Variants in PPFIBP2 observed in about 807,000 individuals in gnomAD.
PPFIBP2 encodes PPFIB scaffold protein 2, also known as liprin-beta-2.
A neutral mutation model predicts 118.3 loss-of-function variants in PPFIBP2; 118 were observed. The observed-to-expected ratio is 1.00, with a 90% confidence interval of 0.86 to 1.16. The LOEUF is 1.16. Ranked by LOEUF, PPFIBP2 falls within the 50% of genes most tolerant of loss-of-function variation. The pLI, the probability that PPFIBP2 is intolerant of heterozygous loss-of-function variation, is 0.00. For missense variants in PPFIBP2, 1,195 were observed against 1,073.1 expected, an observed-to-expected ratio of 1.11 and a Z score of -1.59; for synonymous variants, 414 against 397.4, an observed-to-expected ratio of 1.04 and a Z score of -0.50.
chr11:7,659,205 A>G (rs1854837179), downstream of PPFIBP2, among the ~76,000 whole-genome samples: 1 of 149,278 alleles, frequency 6.7e-6, no homozygotes, highest in South Asian at 2.1e-4. Flanking sequence ...TGTTTTAGAC[A>G]TGAAGTCCTT....
chr11:7,631,928 A>G (rs1476422715), intron 11 of PPFIBP2, among the ~76,000 whole-genome samples: 2 of 152,218 alleles, frequency 1.3e-5, no homozygotes, highest in African/African-American at 4.8e-5. Flanking sequence ...AAACTATACT[A>G]TAATGCCAGC....
At chr11:7,652,811 G>A (rs190918896) in intron 23 of PPFIBP2, among the ~76,000 whole-genome samples, 1 of 152,162 alleles carries the variant, frequency 6.6e-6, no homozygotes, top group African/African-American at 2.4e-5. Context: ...GTATTGGAGG[G>A]GCAGCTCTTA....
intron 2 of PPFIBP2, 47 bp from the exon 3 acceptor site, chr11:7,565,506 A>T: frequency 1.9e-6 from 3 of 1,595,658 alleles, no homozygotes; most frequent in Non-Finnish European, 2.6e-6. Context: ...TACCTTGCTC[A>T]GGGTGTCCAC....
At chr11:7,603,650 G>GCAAATTCTTTTTTT (rs1427355186) in intron 5 of PPFIBP2, among the ~76,000 whole-genome samples, 5 of 152,112 alleles carry the variant, frequency 3.3e-5, no homozygotes, top group African/African-American at 1.2e-4. Context: ...AGGTTGAAAG[G>GCAAATTCTTTTTTT]CAAATTCTTT....
At chr11:7,663,219 G>T in the PPFIBP2 span, among the ~76,000 whole-genome samples, 1 of 133,004 alleles carries the variant, frequency 7.5e-6, no homozygotes, top group African/African-American at 2.5e-5. Context: ...AGGAGGAGAG[G>T]CGCTCTGCTT....
chr11:7,541,085 G>A (rs967461646), intron 1 of PPFIBP2, among the ~76,000 whole-genome samples: 1 of 152,212 alleles, frequency 6.6e-6, no homozygotes, highest in Non-Finnish European at 1.5e-5. Flanking sequence ...GGCTGTCTAA[G>A]CAAAAGGGTG....
At chr11:7,526,550 G>C (rs990180726) in intron 1 of PPFIBP2, among the ~76,000 whole-genome samples, 5 of 152,150 alleles carry the variant, frequency 3.3e-5, no homozygotes, top group African/African-American at 1.2e-4. Flanking sequence ...AGTGAGGGTG[G>C]GAGGCTGGGG....
chr11:7,641,546 T>C lies in PPFIBP2; in HGVS notation c.1443T>C (p.Thr481=), dbSNP rs980849232. The part of the protein sequence containing the change: ...VNDLSSTSSG[T]ESGPQSPLTP... Reference sequence around the variant, plus strand: ...ACCTCTCATCCACATCATCGGGCACTGAATCAGGTCCTCAGTCTCCTCTGA... The same window carrying C: ...ACCTCTCATCCACATCATCGGGCACCGAATCAGGTCCTCAGTCTCCTCTGA... The change falls in exon 16 of 24, where the codon ACT becomes ACC. Residue 481 remains threonine, a synonymous_variant. Coordinates refer to ENST00000299492, the MANE Select transcript of PPFIBP2 (RefSeq NM_003621.5). 4.3e-6 allele frequency: 7 copies of C among 1,613,836 alleles called. No homozygotes were observed. In the East Asian group the frequency reaches 6.7e-5, roughly 15 times the overall value.
At chr11:7,578,063 G>A (rs1462667042) in intron 3 of PPFIBP2, among the ~76,000 whole-genome samples, 2 of 152,238 alleles carry the variant, frequency 1.3e-5, no homozygotes, top group East Asian at 3.8e-4. Flanking sequence ...ATCCGGTGGA[G>A]CACACATCTG....
chr11:7,592,361 A>T (rs1565018339), intron 3 of PPFIBP2, among the ~76,000 whole-genome samples: 1 of 152,012 alleles, frequency 6.6e-6, no homozygotes, highest in Admixed American at 6.5e-5. Flanking sequence ...CTCCTCTGAC[A>T]TTTCACATCC....
chr11:7,590,942 G>A (rs938617176), intron 3 of PPFIBP2, among the ~76,000 whole-genome samples: 1 of 152,188 alleles, frequency 6.6e-6, no homozygotes, highest in African/African-American at 2.4e-5. Context: ...CTAGGCAATT[G>A]ATTTGATTTT....
intron 2 of PPFIBP2, among the ~76,000 whole-genome samples, chr11:7,564,168 A>C (rs1854674617): frequency 6.6e-6 from 1 of 151,532 alleles, no homozygotes; most frequent in Admixed American, 6.6e-5. Context: ...TCCGTCTCAA[A>C]AAAAAAAAAA....
intron 1 of PPFIBP2, among the ~76,000 whole-genome samples, chr11:7,540,373 T>C (rs1186738555): frequency 2.0e-5 from 3 of 152,020 alleles, no homozygotes; most frequent in African/African-American, 7.3e-5. Flanking sequence ...GGAGGAGATT[T>C]TACCGGATCT....
intron 3 of PPFIBP2, 140 bp from the exon 4 acceptor site, chr11:7,592,992 T>C: frequency 7.8e-7 from 1 of 1,288,984 alleles, no homozygotes; most frequent in Non-Finnish European, 1.0e-6. Flanking sequence ...TCTTGTGGTT[T>C]CCTGTTTTGA....
At chr11:7,618,383 A>G (rs1320521128) in intron 6 of PPFIBP2, among the ~76,000 whole-genome samples, 1 of 152,242 alleles carries the variant, frequency 6.6e-6, no homozygotes, top group African/African-American at 2.4e-5. Context: ...AGGATGTTCC[A>G]GAGGTCACGG....
intron 17 of PPFIBP2, among the ~76,000 whole-genome samples, chr11:7,646,078 A>C (rs1853006943): frequency 6.6e-6 from 1 of 152,262 alleles, no homozygotes; most frequent in South Asian, 2.1e-4. Context: ...GTAAGGTTTA[A>C]ACAAAAGGAG....
intron 3 of PPFIBP2, chr11:7,574,109 C>G (rs1452535923): frequency 6.6e-6 from 1 of 152,248 alleles, no homozygotes; most frequent in Non-Finnish European, 1.5e-5. Context: ...ACCTGACCAC[C>G]CTGGCCTCTT....
At chr11:7,589,645 G>A (rs1244677122) in intron 3 of PPFIBP2, among the ~76,000 whole-genome samples, 1 of 151,750 alleles carries the variant, frequency 6.6e-6, no homozygotes, top group Non-Finnish European at 1.5e-5. Context: ...TTAGCACGTA[G>A]CATCCTTCAG....
intron 17 of PPFIBP2, among the ~76,000 whole-genome samples, chr11:7,644,477 GT>G (rs1852673617): frequency 6.6e-6 from 1 of 152,144 alleles, no homozygotes; most frequent in Admixed American, 6.5e-5. Context: ...TTTGCGGAGT[GT>G]TTTTTTCCTG....
Sources: gnomAD v4.1 joint callset for allele counts (sites outside exome capture counted in the v4.1 genomes callset) on GRCh38, gnomAD v4.1.1 for gene constraint, MANE v1.5 for transcripts, NCBI Gene and HGNC (gene_info 2026-07-23, HGNC 2026-07-21) for gene names.